Variants in IL18RAP observed in about 807,000 individuals in gnomAD.
The protein encoded by IL18RAP is interleukin-18 receptor accessory protein.
IL18RAP carries 37 observed loss-of-function variants against 58.1 expected under a neutral mutation model. The ratio of observed to expected loss-of-function variants is 0.64; its 90% CI spans 0.49 to 0.84. The LOEUF (loss-of-function observed/expected upper bound fraction) is 0.84, where lower values mean the gene tolerates loss of function less well. Among genes scored for constraint, IL18RAP ranks in the 40% least tolerant of loss-of-function variants. The pLI, the probability that IL18RAP is intolerant of heterozygous loss-of-function variation, is 0.00. For synonymous variants in IL18RAP, 268 were observed against 257.5 expected (o/e 1.04, Z -0.39); for missense variants, 667 against 704.8 (o/e 0.95, Z 0.61).
intron 8 of IL18RAP, among the ~76,000 whole-genome samples, chr2:102,450,038 C>T (rs1683666466): frequency 6.6e-6 from 1 of 152,096 alleles, no homozygotes; most frequent in Non-Finnish European, 1.5e-5. Flanking sequence ...GCAATCAGGG[C>T]TACTGTTTAC....
chr2:102,445,568 G>A (rs900405934), intron 7 of IL18RAP, among the ~76,000 whole-genome samples: 1 of 152,206 alleles, frequency 6.6e-6, no homozygotes, highest in Non-Finnish European at 1.5e-5. Flanking sequence ...AATAGTCTGC[G>A]TTTGGGAGGC....
chr2:102,441,258 AGC>A, intron 4 of IL18RAP, 52 bp from the exon 5 acceptor site: 1 of 1,381,504 alleles, frequency 7.2e-7, no homozygotes, highest in Non-Finnish European at 1.0e-6. Context: ...ATCTTCATCA[AGC>A]AGGCCTTCAG....
chr2:102,426,569 G>A (rs1681959106), intron 3 of IL18RAP, among the ~76,000 whole-genome samples: 1 of 151,992 alleles, frequency 6.6e-6, no homozygotes, highest in Admixed American at 6.6e-5. Context: ...TCACAATGGG[G>A]AAAGGATTAC....
At chr2:102,436,294 A>G (rs914446894) in intron 3 of IL18RAP, among the ~76,000 whole-genome samples, 6 of 152,068 alleles carry the variant, frequency 3.9e-5, no homozygotes, top group East Asian at 3.9e-4. Flanking sequence ...TCTGATCTTT[A>G]TATGTTATCA....
intron 4 of IL18RAP, among the ~76,000 whole-genome samples, chr2:102,438,316 G>A (rs1056793061): frequency 5.9e-5 from 9 of 152,178 alleles, no homozygotes; most frequent in South Asian, 4.1e-4. Context: ...AGTGGTTGAC[G>A]TAGCTGTTAG....
Position 102,424,018 on chromosome 2 carries a change from C to G in IL18RAP, c.278C>G (p.Pro93Arg), listed in dbSNP as rs143234495. 1 of 1,614,040 alleles carries G rather than the reference C, an allele frequency of 6.2e-7. No homozygotes were observed. Among genetic ancestry groups the G allele is most frequent in the African/African-American group, 1.3e-5 (1 of 75,010 alleles). ...TACCAACAACCTTCGAATGGAGATC[C>G]ATTAGAGGACATTAGGAAAAGCTAT... ...QWYQQPSNGDPLEDIRKSYPH... is the reference protein window; with the variant it reads ...QWYQQPSNGDRLEDIRKSYPH... The change falls in exon 2 of 10, where the codon CCA (proline) becomes CGA (arginine). Residue 93 changes from proline (P) to arginine (R), a missense_variant. Pro to Arg is a moderately radical substitution (Grantham distance 103). Transcript: ENST00000687160.
chr2:102,419,298 C>T (rs979478129), upstream of IL18RAP: 1 of 152,204 alleles, frequency 6.6e-6, no homozygotes, highest in Non-Finnish European at 1.5e-5. Context: ...TATCCCTAGA[C>T]AATGGGGTCT....
intron 3 of IL18RAP, chr2:102,433,865 T>A (rs1419766932): frequency 6.6e-6 from 1 of 152,268 alleles, no homozygotes; most frequent in South Asian, 2.1e-4. Context: ...TTTGTACCTA[T>A]ACCTGATACT....
rs758625810 is a variant in IL18RAP at position 102,423,244 on chromosome 2, G to A, written c.-34G>A. The A allele has an allele frequency of 2.5e-6, 4 of 1,601,540 alleles. No individual in the cohort carries two copies. The highest frequency in any genetic ancestry group is 1.7e-4 in the Middle Eastern group (1 of 6,044). On this transcript the variant is annotated 5_prime_UTR_variant, in exon 1 of 10. Transcript: ENST00000687160. ...CACTCTACTCTGGCAAAGGAATGAAGTTATTGGAGTGATGACAGGAACACG... is the reference window on the plus strand; with the variant it reads ...CACTCTACTCTGGCAAAGGAATGAAATTATTGGAGTGATGACAGGAACACG...
chr2:102,432,783 A>T (rs943181267), intron 3 of IL18RAP, among the ~76,000 whole-genome samples: 1 of 152,222 alleles, frequency 6.6e-6, no homozygotes, highest in Non-Finnish European at 1.5e-5. Context: ...CCATGCTTGG[A>T]GATTATTAAT....
upstream of IL18RAP, among the ~76,000 whole-genome samples, chr2:102,421,776 T>C (rs986840229): frequency 1.3e-5 from 2 of 152,212 alleles, no homozygotes; most frequent in African/African-American, 4.8e-5. Context: ...TGTACTTTCC[T>C]GTACTTTCTG....
chr2:102,449,776 T>A (rs1683651266), intron 8 of IL18RAP, among the ~76,000 whole-genome samples: 1 of 152,154 alleles, frequency 6.6e-6, no homozygotes, highest in South Asian at 2.1e-4. Flanking sequence ...TCACATGATG[T>A]GGAAGGAATA....
At chr2:102,421,021 A>C (rs1681542441), upstream of IL18RAP, among the ~76,000 whole-genome samples, 1 of 152,192 alleles carries the variant, frequency 6.6e-6, no homozygotes, top group Non-Finnish European at 1.5e-5. Flanking sequence ...GTGGGAGGAC[A>C]AGGTGTAAGG....
At chr2:102,441,261 AG>A in intron 4 of IL18RAP, 50 bp from the exon 5 acceptor site, 1 of 1,394,994 alleles carries the variant, frequency 7.2e-7, no homozygotes, top group Non-Finnish European at 1.0e-6. Flanking sequence ...TTCATCAAGC[AG>A]GCCTTCAGAC....
chr2:102,445,343 A>G lies in IL18RAP; in HGVS notation c.1072+3A>G, dbSNP rs774202251. ...CCAACTGAAAGAAAAGAGAGGAGGT[A>G]AGCCCAGAAGGTTGCCCAGGAGGCA... On this transcript the variant is annotated splice_donor_region_variant and intron_variant, in intron 7 of 9. Coordinates refer to ENST00000687160, the MANE Select transcript of IL18RAP (RefSeq NM_001393487.1). 3.1e-6 allele frequency: 5 copies of G among 1,613,778 alleles called. No homozygotes were observed. Among genetic ancestry groups the G allele is most frequent in the African/African-American group, 1.3e-5 (1 of 74,950 alleles).
Position 102,450,913 on chromosome 2 carries a change from T to G in IL18RAP, c.1276T>G (p.Ser426Ala). 6.2e-7 allele frequency: 1 copy of G among 1,613,064 alleles called. No homozygotes were observed. The highest frequency in any genetic ancestry group is 1.7e-5 in the Admixed American group (1 of 59,900). The change falls in exon 9 of 10, where the codon TCA becomes GCA. Residue 426 changes from serine (S) to alanine (A), a missense_variant. Physicochemically the swap from Ser to Ala is moderately conservative, Grantham distance 99. Transcript: ENST00000687160. ...GAGCTCTTTTCCAAGTGAGGCCACT[T>G]CATCTCTGAGTGAAGAACACTTGGC... ...KWSSFPSEAT[S>A]SLSEEHLALS...
At chr2:102,450,418 G>A (rs575921440) in intron 8 of IL18RAP, among the ~76,000 whole-genome samples, 20 of 152,180 alleles carry the variant, frequency 1.3e-4, no homozygotes, top group African/African-American at 3.9e-4. Context: ...TCAACTCTCC[G>A]AGCAAGTACT....
At chr2:102,447,878 G>A (rs2104382956) in intron 8 of IL18RAP, among the ~76,000 whole-genome samples, 1 of 152,210 alleles carries the variant, frequency 6.6e-6, no homozygotes, top group South Asian at 2.1e-4. Context: ...TTACAGGCAT[G>A]CGCTACCATG....
chr2:102,418,935 A>ATCCTGCTCT (rs1476405290), upstream of IL18RAP: 8 of 152,376 alleles, frequency 5.3e-5, no homozygotes, highest in African/African-American at 1.9e-4. Flanking sequence ...AGAGCAGGAA[A>ATCCTGCTCT]TAAAGGTAAG....
Sources: allele counts gnomAD v4.1 joint callset (sites outside exome capture counted in the v4.1 genomes callset), GRCh38; gene constraint gnomAD v4.1.1; transcripts MANE v1.5; gene names NCBI Gene and HGNC (gene_info 2026-07-23, HGNC 2026-07-21).